Variants in PANK2 observed in about 807,000 individuals in gnomAD.
The protein encoded by PANK2 is pantothenate kinase 2, mitochondrial.
Under a neutral mutation model 43.1 loss-of-function variants are expected in PANK2, and 36 were observed. The ratio of observed to expected loss-of-function variants is 0.84; its 90% confidence interval spans 0.64 to 1.10. The LOEUF (loss-of-function observed/expected upper bound fraction) is 1.10, where lower values mean the gene tolerates loss of function less well. PANK2 is among the 50% of genes least tolerant of loss of function. The pLI is 0.00. For synonymous variants in PANK2, 281 were observed against 238.2 expected, an observed-to-expected ratio of 1.18 and a Z score of -1.66; for missense variants, 576 against 593.3, an observed-to-expected ratio of 0.97 and a Z score of 0.30.
intron 1 of PANK2, among the ~76,000 whole-genome samples, chr20:3,899,703 C>CTTTTTTT (rs11469308): frequency 1.1e-5 from 1 of 88,994 alleles, no homozygotes; most frequent in African/African-American, 4.2e-5. Flanking sequence ...ATCAGTTGTA[C>CTTTTTTT]TTTTTTTTTT....
chr20:3,910,882 G>A (rs2090458683), intron 3 of PANK2, 52 bp downstream of exon 3: 4 of 1,604,442 alleles, frequency 2.5e-6, no homozygotes, highest in Non-Finnish European at 1.7e-6. Context: ...AACGGGCTGA[G>A]TTTTCAGGTA....
At chr20:3,914,776 A>G (rs2090531715) in intron 4 of PANK2, among the ~76,000 whole-genome samples, 1 of 151,566 alleles carries the variant, frequency 6.6e-6, no homozygotes, top group East Asian at 1.9e-4. Flanking sequence ...TGCCTGGCTA[A>G]TTTCTGTAAT....
At chr20:3,904,315 T>G (rs1374977797) in intron 1 of PANK2, among the ~76,000 whole-genome samples, 4 of 151,976 alleles carry the variant, frequency 2.6e-5, no homozygotes, top group East Asian at 1.9e-4. Flanking sequence ...GCATGATGAC[T>G]CAGGCCTGTA....
Position 3,889,638 on chromosome 20 carries a change from G to C in PANK2, c.208G>C (p.Glu70Gln). ...GGTGCCCGCGGTCGGGGCCTCGGCTGAGGGCACGAGGCGGGATCGACTGGG... is the reference window on the plus strand; with the variant it reads ...GGTGCCCGCGGTCGGGGCCTCGGCTCAGGGCACGAGGCGGGATCGACTGGG... Residue 70 changes from glutamate (E) to glutamine (Q), a missense_variant, in exon 1 of 7, where the codon GAG (glutamate) becomes CAG (glutamine). By Grantham distance (29) the Glu-to-Gln change is conservative. This residue lies in a region of PANK2 where 544 missense variants were observed against 528.9 expected (regional missense o/e 1.03). Transcript: ENST00000610179. 5 of 1,576,120 alleles carry C rather than the reference G, an allele frequency of 3.2e-6. No individual in the cohort carries two copies. The highest frequency in any genetic ancestry group is 4.3e-6 in the Non-Finnish European group (5 of 1,169,884).
intron 1 of PANK2, chr20:3,891,201 C>T (rs2090117696): frequency 6.6e-6 from 1 of 152,128 alleles, no homozygotes; most frequent in African/African-American, 2.4e-5. Context: ...AGGCACGTGC[C>T]ACTATGCCAG....
upstream of PANK2, chr20:3,888,967 TGCTGGGCTGG>T: frequency 2.5e-5 from 17 of 686,988 alleles, no homozygotes; most frequent in South Asian, 1.1e-4. Flanking sequence ...GCGGGAGCAC[TGCTGGGCTGG>T]AGGAGGGCTC....
intron 2 of PANK2, among the ~76,000 whole-genome samples, chr20:3,909,886 C>G (rs986056290): frequency 1.3e-5 from 2 of 152,166 alleles, no homozygotes; most frequent in Non-Finnish European, 2.9e-5. Context: ...GCCACCGTGC[C>G]CGGCCGATCC....
intron 4 of PANK2, among the ~76,000 whole-genome samples, chr20:3,914,938 A>G (rs939130404): frequency 2.0e-5 from 3 of 152,156 alleles, no homozygotes; most frequent in African/African-American, 7.2e-5. Flanking sequence ...TTTACTGGCC[A>G]TCTGTCTGTA....
intron 6 of PANK2, 74 bp from the exon 7 acceptor site, chr20:3,923,170 C>CTA (rs1309192966): frequency 1.3e-6 from 2 of 1,535,144 alleles, no homozygotes; most frequent in African/African-American, 2.7e-5. Flanking sequence ...GGCTTTAACA[C>CTA]TAGTCATCAT....
At chr20:3,904,660 C>T (rs957125607) in intron 1 of PANK2, among the ~76,000 whole-genome samples, 5 of 152,106 alleles carry the variant, frequency 3.3e-5, no homozygotes, top group East Asian at 1.9e-4. Flanking sequence ...ATAATTTTAT[C>T]GTGTTAATTT....
chr20:3,916,358 T>C (rs916056028), intron 4 of PANK2, among the ~76,000 whole-genome samples: 4 of 152,258 alleles, frequency 2.6e-5, no homozygotes, highest in Non-Finnish European at 4.4e-5. Flanking sequence ...GTTGATTTTC[T>C]GTTTGTAACA....
intron 1 of PANK2, among the ~76,000 whole-genome samples, chr20:3,903,394 C>G (rs187426257): frequency 6.6e-6 from 1 of 151,122 alleles, no homozygotes; most frequent in Non-Finnish European, 1.5e-5. Flanking sequence ...GTGATCCGCC[C>G]GCCTTAGCCT....
Position 3,889,477 on chromosome 20 carries a change from G to C in PANK2, c.47G>C (p.Gly16Ala), listed in dbSNP as rs3737084. Residue 16 changes from glycine to alanine, a missense_variant, in exon 1 of 7, where the codon GGG (glycine) becomes GCG (alanine). Physicochemically the swap from Gly to Ala is moderately conservative, Grantham distance 60 (BLOSUM62 0). This residue lies in a region of PANK2 where 544 missense variants were observed against 528.9 expected (regional missense o/e 1.03). Coordinates refer to ENST00000610179, the MANE Select transcript of PANK2 (RefSeq NM_001386393.1). ...CAGCGACTGCTGCTGCGGATGGGAG[G>C]GGGCCGGCTCGGCGCGCCCATGGAG... 0.87 allele frequency: 1,328,483 copies of C among 1,523,714 alleles called. 580,652 individuals carry two copies. Among genetic ancestry groups the C allele is most frequent in the African/African-American group, 0.98 (71,010 of 72,482 alleles). The allele number at this position is 1,523,714 out of a possible 1,614,324, so 94.4% of individuals were successfully genotyped here.
intron 6 of PANK2, 32 bp downstream of exon 6, chr20:3,918,828 G>A (rs755662933): frequency 3.7e-6 from 6 of 1,613,978 alleles, no homozygotes; most frequent in South Asian, 1.1e-5. Flanking sequence ...GGTATATTAT[G>A]TACACAGAGG....
chr20:3,898,872 G>A (rs887007905), intron 1 of PANK2, among the ~76,000 whole-genome samples: 3 of 150,340 alleles, frequency 2.0e-5, no homozygotes, highest in Non-Finnish European at 4.4e-5. Flanking sequence ...GGTCTTGAGT[G>A]TTTTTTTTTG....
chr20:3,920,435 T>TGAATCTGG (rs1193615962), intron 6 of PANK2, among the ~76,000 whole-genome samples: 1 of 152,176 alleles, frequency 6.6e-6, no homozygotes, highest in Non-Finnish European at 1.5e-5. Context: ...GAGAATCTCT[T>TGAATCTGG]GAATCTGGGA....
In PANK2 at chr20:3,916,941, T is replaced by A; in HGVS notation, c.1097T>A (p.Met366Lys). 2 of 1,614,032 alleles carry A rather than the reference T, an allele frequency of 1.2e-6. No individual in the cohort carries two copies. The highest frequency in any genetic ancestry group is 1.7e-6 in the Non-Finnish European group (2 of 1,180,002). ...CCCCATCACAGCTTTGGAAACATGATGAGCAAGGAGAAGCGAGAGGCTGTC... is the reference window on the plus strand; with the variant it reads ...CCCCATCACAGCTTTGGAAACATGAAGAGCAAGGAGAAGCGAGAGGCTGTC... Residue 366 changes from methionine (M) to lysine (K), a missense_variant, in exon 5 of 7, where the codon ATG (methionine) becomes AAG (lysine). Transcript: ENST00000610179.
chr20:3,908,367 T>G, intron 2 of PANK2, 89 bp downstream of exon 2: 1 of 1,213,292 alleles, frequency 8.2e-7, no homozygotes, highest in Non-Finnish European at 1.2e-6. Flanking sequence ...TTTCCATCTC[T>G]AATGGAACTT....
At chr20:3,919,917 T>C (rs1275951711) in intron 6 of PANK2, among the ~76,000 whole-genome samples, 1 of 152,238 alleles carries the variant, frequency 6.6e-6, no homozygotes, top group Non-Finnish European at 1.5e-5. Flanking sequence ...TAAATTGCTT[T>C]AGTTCATAGT....
Sources: allele counts gnomAD v4.1 joint callset (sites outside exome capture counted in the v4.1 genomes callset), GRCh38; gene constraint gnomAD v4.1.1; regional missense constraint gnomAD v4.1.1; transcripts MANE v1.5; gene names NCBI Gene and HGNC (gene_info 2026-07-23, HGNC 2026-07-21).